The following CPNE3 variants were observed in gnomAD, a reference collection of about 807,000 sequenced individuals.
CPNE3 encodes copine 3.
A neutral mutation model predicts 63.9 loss-of-function variants in CPNE3; 68 were observed. That is an observed-to-expected ratio of 1.06 (90% CI 0.87 to 1.30). The LOEUF (loss-of-function observed/expected upper bound fraction) is 1.30, where lower values mean the gene tolerates loss of function less well. Ranked by LOEUF, CPNE3 falls within the 50% of genes most tolerant of loss-of-function variation. The pLI is 0.00. For missense variants in CPNE3, 665 were observed against 578.1 expected (o/e 1.15, Z -1.54); for synonymous variants, 219 against 197.5 (o/e 1.11, Z -0.91).
At chr8:86,530,409 A>G (rs1032392131) in intron 4 of CPNE3, among the ~76,000 whole-genome samples, 2 of 152,122 alleles carry the variant, frequency 1.3e-5, no homozygotes, top group Non-Finnish European at 2.9e-5. Context: ...GGCTCAAGCA[A>G]TCCTCCCACC....
intron 12 of CPNE3, among the ~76,000 whole-genome samples, chr8:86,548,838 T>C (rs987087749): frequency 1.1e-4 from 17 of 150,872 alleles, no homozygotes; most frequent in African/African-American, 3.9e-4. Context: ...TTATGTTAAA[T>C]ACTAAATACT....
chr8:86,520,742 C>T (rs897328086), intron 2 of CPNE3, among the ~76,000 whole-genome samples: 5 of 150,292 alleles, frequency 3.3e-5, no homozygotes, highest in African/African-American at 1.2e-4. Flanking sequence ...TCACTGCAAC[C>T]TCTACCTCTG....
chr8:86,531,179 CGACCACTGGT>C lies in CPNE3; in HGVS notation c.340_349del (p.Pro114Ter), dbSNP rs1563689612. On this transcript the variant is annotated frameshift_variant, in exon 5 of 17. Coordinates refer to ENST00000517490, the MANE Select transcript of CPNE3 (RefSeq NM_003909.5). LOFTEE classifies it high-confidence loss of function. ...GATTGTTTCCAGCAAGAAGCTAACT[CGACCACTGGT>C]GATGAAAACTGGCAGACCTGCAGGA... 7.7e-7 allele frequency: 1 copy of C among 1,296,852 alleles called. No individual in the cohort carries two copies. Among genetic ancestry groups the C allele is most frequent in the East Asian group, 2.3e-5 (1 of 43,434 alleles). The allele number at this position is 1,296,852 out of a possible 1,614,324, so 80.3% of individuals were successfully genotyped here. A position where few individuals can be genotyped will look rare whatever the true frequency, so the allele number is the denominator to read the frequency against.
At chr8:86,537,871 A>G (rs1171931686) in intron 7 of CPNE3, among the ~76,000 whole-genome samples, 3 of 152,064 alleles carry the variant, frequency 2.0e-5, no homozygotes, top group Non-Finnish European at 4.4e-5. Context: ...AGAACACTAA[A>G]TGTATTCCTC....
chr8:86,555,122 A>T (rs1174471113), intron 15 of CPNE3, 138 bp downstream of exon 15: 1 of 1,271,018 alleles, frequency 7.9e-7, no homozygotes, highest in Non-Finnish European at 1.1e-6. Context: ...GTTTGGGAGT[A>T]ACTTTTGTTG....
At chr8:86,533,854 T>C (rs1700055119) in intron 6 of CPNE3, among the ~76,000 whole-genome samples, 1 of 151,382 alleles carries the variant, frequency 6.6e-6, no homozygotes, top group Non-Finnish European at 1.5e-5. Context: ...ATTTCTTCCT[T>C]TCTTTTATTT....
At chr8:86,524,407 A>G (rs1820495866) in intron 2 of CPNE3, among the ~76,000 whole-genome samples, 1 of 152,076 alleles carries the variant, frequency 6.6e-6, no homozygotes, top group Admixed American at 6.6e-5. Flanking sequence ...TGACTGGGAG[A>G]ATTATTGATA....
intron 2 of CPNE3, among the ~76,000 whole-genome samples, chr8:86,522,790 C>T (rs1820464766): frequency 6.6e-6 from 1 of 151,870 alleles, no homozygotes; most frequent in Non-Finnish European, 1.5e-5. Context: ...TTACATTAGG[C>T]CAGTCTCTTC....
chr8:86,522,547 G>GTTT (rs1563684952), intron 2 of CPNE3, among the ~76,000 whole-genome samples: 1 of 69,914 alleles, frequency 1.4e-5, no homozygotes, highest in African/African-American at 4.9e-5. Flanking sequence ...GACGCCCGCT[G>GTTT]CTTTTTTTTT....
chr8:86,520,905 A>C (rs541319146), intron 2 of CPNE3, among the ~76,000 whole-genome samples: 3 of 151,912 alleles, frequency 2.0e-5, no homozygotes, highest in East Asian at 3.9e-4. Flanking sequence ...TGCCCAGTCC[A>C]TTTCTTTTGA....
chr8:86,551,851 G>T (rs765965325), intron 14 of CPNE3, among the ~76,000 whole-genome samples: 3 of 152,182 alleles, frequency 2.0e-5, no homozygotes. Flanking sequence ...TAGAGACAAG[G>T]TCTCGCTATG....
chr8:86,547,628 CT>C, intron 10 of CPNE3, 82 bp from the exon 11 acceptor site: 2 of 721,454 alleles, frequency 2.8e-6, no homozygotes, highest in Non-Finnish European at 4.9e-6. Context: ...AATTTACAGA[CT>C]TTTAAAAATA....
At chr8:86,516,862 A>G (rs991859827) in intron 2 of CPNE3, among the ~76,000 whole-genome samples, 2 of 152,230 alleles carry the variant, frequency 1.3e-5, no homozygotes, top group African/African-American at 4.8e-5. Flanking sequence ...TAGCAAAACT[A>G]TAAAAGTTAA....
intron 4 of CPNE3, 74 bp downstream of exon 4, chr8:86,529,198 C>A: frequency 7.6e-7 from 1 of 1,315,752 alleles, no homozygotes; most frequent in Non-Finnish European, 1.1e-6. Context: ...TTTTGGTAAG[C>A]AGCATTTAAT....
intron 16 of CPNE3, among the ~76,000 whole-genome samples, chr8:86,556,783 G>C (rs1011418300): frequency 1.3e-5 from 2 of 152,078 alleles, no homozygotes; most frequent in African/African-American, 2.4e-5. Flanking sequence ...GGATCCCCCT[G>C]GTTGCCCTTT....
At chr8:86,540,589 T>A (rs992599214) in intron 8 of CPNE3, among the ~76,000 whole-genome samples, 14 of 152,298 alleles carry the variant, frequency 9.2e-5, no homozygotes, top group South Asian at 6.2e-4. Context: ...TTCTGTATTT[T>A]AAAAAATAAA....
chr8:86,528,918 C>CT (rs781597696), intron 3 of CPNE3, 27 bp from the exon 4 acceptor site: 13 of 1,584,778 alleles, frequency 8.2e-6, no homozygotes, highest in Non-Finnish European at 1.1e-5. Flanking sequence ...TCTGAAGAAA[C>CT]TTTTTTGTTT....
intron 8 of CPNE3, 136 bp from the exon 9 acceptor site, chr8:86,544,604 A>G (rs1438350164): frequency 3.0e-6 from 1 of 336,514 alleles, no homozygotes; most frequent in African/African-American, 2.1e-5. Flanking sequence ...TACTGTCCCA[A>G]GTAGGGACTG....
At chr8:86,539,292 G>C (rs151307728) in intron 7 of CPNE3, among the ~76,000 whole-genome samples, 1 of 152,058 alleles carries the variant, frequency 6.6e-6, no homozygotes, top group Non-Finnish European at 1.5e-5. Context: ...TATGTTCTCA[G>C]TTCCCCTTGT....
Sources: allele counts gnomAD v4.1 joint callset (sites outside exome capture counted in the v4.1 genomes callset), GRCh38; gene constraint gnomAD v4.1.1; transcripts MANE v1.5; gene names NCBI Gene and HGNC (gene_info 2026-07-23, HGNC 2026-07-21).